LTBP1: variants seen among roughly 807,000 people sequenced by gnomAD.
The protein encoded by LTBP1 is latent transforming growth factor beta binding protein 1.
Under a neutral mutation model 207.6 loss-of-function variants are expected in LTBP1, and 129 were observed. The ratio of observed to expected loss-of-function variants is 0.62; its 90% CI spans 0.54 to 0.72. The LOEUF is 0.72. LTBP1 is among the 30% of genes least tolerant of loss of function. The pLI is 0.00. For synonymous variants in LTBP1, 963 were observed against 833.7 expected, an observed-to-expected ratio of 1.16 and a Z score of -2.67; for missense variants, 2,281 against 2,217.2, an observed-to-expected ratio of 1.03 and a Z score of -0.58.
chr2:33,235,723 A>C (rs921288128), intron 9 of LTBP1, among the ~76,000 whole-genome samples: 1 of 152,248 alleles, frequency 6.6e-6, no homozygotes, highest in African/African-American at 2.4e-5. Flanking sequence ...CTATGCAGCC[A>C]TAAAAAAGGA....
In LTBP1 at chr2:33,300,590, A is replaced by G. The variant is rs927429814; in HGVS notation, c.3358+17A>G. 1 of 1,607,804 alleles carries G rather than the reference A, an allele frequency of 6.2e-7. No homozygotes were observed. Among genetic ancestry groups the G allele is most frequent in the Non-Finnish European group, 8.5e-7 (1 of 1,176,002 alleles). On this transcript the variant is annotated intron_variant, in intron 21 of 33. Coordinates refer to ENST00000404816, the MANE Select transcript of LTBP1 (RefSeq NM_206943.4). ...AGTGTGAAGGTAAGAGGGTAGTAACATGAACTACTGAAACTTCAGCTTAAA... is the reference window on the plus strand; with the variant it reads ...AGTGTGAAGGTAAGAGGGTAGTAACGTGAACTACTGAAACTTCAGCTTAAA...
chr2:33,394,341 C>T (rs186897851), intron 32 of LTBP1, among the ~76,000 whole-genome samples: 275 of 152,184 alleles, frequency 1.8e-3, no homozygotes, highest in Non-Finnish European at 2.0e-3. Context: ...TGCCATTGCT[C>T]TTGGTGTTTT....
chr2:33,115,105 TACAC>T (rs60973498), intron 4 of LTBP1, among the ~76,000 whole-genome samples: 78,335 of 143,882 alleles, frequency 0.54, 21,088 homozygotes, highest in South Asian at 0.65. Context: ...CACATATATG[TACAC>T]ACACACACAC....
intron 31 of LTBP1, among the ~76,000 whole-genome samples, chr2:33,377,646 T>C (rs1269814474): frequency 1.3e-5 from 2 of 152,232 alleles, no homozygotes; most frequent in African/African-American, 4.8e-5. Context: ...AATTCAGGCA[T>C]GCATGTAAAC....
chr2:33,089,051 G>C (rs1304554388), intron 3 of LTBP1, among the ~76,000 whole-genome samples: 2 of 151,492 alleles, frequency 1.3e-5, no homozygotes, highest in Non-Finnish European at 2.9e-5. Flanking sequence ...AGCTACTCGG[G>C]AGGCTGAGGC....
intron 2 of LTBP1, among the ~76,000 whole-genome samples, chr2:32,956,814 G>C (rs1188405996): frequency 6.7e-6 from 1 of 148,886 alleles, no homozygotes; most frequent in Admixed American, 6.7e-5. Context: ...CAAACAAGAA[G>C]ACTTGAAAGT....
intron 9 of LTBP1, among the ~76,000 whole-genome samples, chr2:33,224,329 G>T (rs946160391): frequency 1.3e-5 from 2 of 152,118 alleles, no homozygotes; most frequent in Non-Finnish European, 2.9e-5. Flanking sequence ...ATCCAATCCT[G>T]CATAGCTAAT....
chr2:33,274,250 G>T (rs1269411965), intron 16 of LTBP1, among the ~76,000 whole-genome samples: 1 of 149,812 alleles, frequency 6.7e-6, no homozygotes, highest in South Asian at 2.1e-4. Flanking sequence ...TCTCATATAT[G>T]CTCCTTTTGG....
intron 23 of LTBP1, among the ~76,000 whole-genome samples, chr2:33,314,501 A>G (rs1429148184): frequency 1.3e-5 from 2 of 152,170 alleles, no homozygotes; most frequent in African/African-American, 2.4e-5. Context: ...GTGAGCCATG[A>G]TCATGCACTG....
chr2:33,122,620 C>A (rs962870340), intron 4 of LTBP1, among the ~76,000 whole-genome samples: 7 of 152,156 alleles, frequency 4.6e-5, no homozygotes, highest in East Asian at 1.9e-4. Context: ...CGTATAATAC[C>A]AAAAAGAAAC....
chr2:33,382,823 A>G (rs1413778547), intron 31 of LTBP1, among the ~76,000 whole-genome samples: 2 of 152,148 alleles, frequency 1.3e-5, no homozygotes, highest in Non-Finnish European at 2.9e-5. Context: ...GCATCACAAC[A>G]CCACATATTT....
intron 20 of LTBP1, among the ~76,000 whole-genome samples, chr2:33,298,772 G>T (rs1249687760): frequency 6.6e-6 from 1 of 152,082 alleles, no homozygotes; most frequent in Non-Finnish European, 1.5e-5. Flanking sequence ...TAAAACAAAA[G>T]TTTTTAATCA....
chr2:32,959,309 G>A (rs1572823379), intron 2 of LTBP1, among the ~76,000 whole-genome samples: 1 of 152,082 alleles, frequency 6.6e-6, no homozygotes, highest in Middle Eastern at 3.4e-3. Context: ...AGTGGCTGGA[G>A]GCGACTCTTC....
chr2:33,190,895 G>T (rs1053668498), intron 7 of LTBP1, among the ~76,000 whole-genome samples: 13 of 152,176 alleles, frequency 8.5e-5, no homozygotes, highest in Admixed American at 4.6e-4. Context: ...ATGCTTTTGG[G>T]AGAAGGAACA....
At chr2:33,118,914 T>C (rs1401860123) in intron 4 of LTBP1, among the ~76,000 whole-genome samples, 1 of 152,172 alleles carries the variant, frequency 6.6e-6, no homozygotes, top group Non-Finnish European at 1.5e-5. Context: ...ACAGTAGATA[T>C]GGATTGGTTA....
intron 31 of LTBP1, among the ~76,000 whole-genome samples, chr2:33,370,436 T>C (rs1574050438): frequency 1.3e-5 from 2 of 152,132 alleles, no homozygotes; most frequent in African/African-American, 4.8e-5. Context: ...TTGCAAAAGA[T>C]GGGGCGGGGC....
At chr2:33,376,830 G>C (rs1356839208) in intron 31 of LTBP1, among the ~76,000 whole-genome samples, 1 of 152,086 alleles carries the variant, frequency 6.6e-6, no homozygotes, top group Non-Finnish European at 1.5e-5. Flanking sequence ...TACTAAACTG[G>C]GGAAGAGGTA....
At chr2:33,232,110 G>T (rs563073632) in intron 9 of LTBP1, among the ~76,000 whole-genome samples, 13 of 152,218 alleles carry the variant, frequency 8.5e-5, no homozygotes, top group African/African-American at 2.9e-4. Flanking sequence ...GAGGGGTAAG[G>T]GGGGATTCTG....
chr2:33,309,759 C>T (rs1459903455), intron 23 of LTBP1, among the ~76,000 whole-genome samples: 2 of 152,212 alleles, frequency 1.3e-5, no homozygotes, highest in African/African-American at 4.8e-5. Flanking sequence ...CTGAAACTCA[C>T]ACGAGTAAGA....
Sources: allele counts gnomAD v4.1 joint callset (sites outside exome capture counted in the v4.1 genomes callset), GRCh38; gene constraint gnomAD v4.1.1; transcripts MANE v1.5; gene names NCBI Gene and HGNC (gene_info 2026-07-23, HGNC 2026-07-21).